The following ATF7 variants were observed in gnomAD, a reference collection of about 807,000 sequenced individuals.
The protein encoded by ATF7 is activating transcription factor 7, also known as cyclic AMP-dependent transcription factor ATF-7.
ATF7 carries 10 observed loss-of-function variants against 50.4 expected under a neutral mutation model. The ratio of observed to expected loss-of-function variants is 0.20; its 90% confidence interval spans 0.12 to 0.34. The LOEUF is 0.34. Among genes scored for constraint, ATF7 ranks in the 10% least tolerant of loss-of-function variants. The probability of loss-of-function intolerance (pLI) is 1.00; values close to 1 mark genes in which losing one functional copy is unlikely to be tolerated. For synonymous variants in ATF7, 201 were observed against 226.4 expected (o/e 0.89, Z 1.01); for missense variants, 465 against 613.9 (o/e 0.76, Z 2.56).
In ATF7 at chr12:53,552,654, A is replaced by G; in HGVS notation, c.49-17T>C. On this transcript the variant is annotated splice_polypyrimidine_tract_variant and intron_variant, in intron 2 of 11. Transcript: ENST00000420353. ...TGTAAATCTCTGAAACGAAACAGAA[A>G]TGGAGATATGAAAAAACAAAAACAA... 1.9e-6 allele frequency: 3 copies of G among 1,601,752 alleles called. No homozygotes were observed. Among genetic ancestry groups the G allele is most frequent in the Non-Finnish European group, 2.6e-6 (3 of 1,168,856 alleles).
intron 2 of ATF7, among the ~76,000 whole-genome samples, chr12:53,580,770 G>A (rs374757649): frequency 2.0e-5 from 3 of 150,952 alleles, no homozygotes; most frequent in East Asian, 3.9e-4. Flanking sequence ...GAATAAAGAC[G>A]AGCATTGCAT....
chr12:53,509,873 C>T (rs1337831964), downstream of ATF7, among the ~76,000 whole-genome samples: 1 of 152,090 alleles, frequency 6.6e-6, no homozygotes, highest in Non-Finnish European at 1.5e-5. Context: ...TAGGAACCAA[C>T]TTATCCTTTA....
intron 2 of ATF7, among the ~76,000 whole-genome samples, chr12:53,594,695 C>T (rs889049636): frequency 5.3e-5 from 8 of 152,096 alleles, no homozygotes; most frequent in Admixed American, 1.3e-4. Flanking sequence ...CAAGACCAGC[C>T]TGGCCAACAT....
In ATF7 at chr12:53,603,725, A is replaced by T. The variant is rs563770232; in HGVS notation, c.-21-2704T>A. On this transcript the variant is annotated intron_variant, in intron 1 of 11. Coordinates refer to ENST00000420353, the MANE Select transcript of ATF7 (RefSeq NM_006856.3). ...AATAAGAATGATCTGTCTCCCCATT[A>T]AAAAAAAAAACACAGCTAACACCTT... 1.3e-4 allele frequency among the ~76,000 whole-genome samples: 19 copies of T among 141,266 alleles called. No individual in the cohort carries two copies. The East Asian group carries it at 1.6e-3, about 12-fold the overall frequency. 92.7% of individuals were successfully genotyped at this position (141,266 alleles called of 152,430 possible).
chr12:53,595,235 G>A (rs953688593), intron 2 of ATF7, among the ~76,000 whole-genome samples: 2 of 152,126 alleles, frequency 1.3e-5, no homozygotes, highest in Admixed American at 6.6e-5. Context: ...TTCACCTGTC[G>A]AAACATGTAA....
At chr12:53,621,389 T>C (rs866937441) in intron 1 of ATF7, among the ~76,000 whole-genome samples, 62 of 152,202 alleles carry the variant, frequency 4.1e-4, no homozygotes, top group Admixed American at 6.5e-4. Flanking sequence ...AATACAAACA[T>C]ATGAGAAATG....
chr12:53,585,465 C>A (rs12580534), intron 2 of ATF7, among the ~76,000 whole-genome samples: 5,332 of 151,996 alleles, frequency 0.035, 181 homozygotes, highest in East Asian at 0.19. Context: ...GAATCCTCTG[C>A]ACTTTTCACT....
chr12:53,557,705 C>T (rs1940838705), intron 2 of ATF7, among the ~76,000 whole-genome samples: 1 of 152,182 alleles, frequency 6.6e-6, no homozygotes, highest in Non-Finnish European at 1.5e-5. Flanking sequence ...GACTAATTTG[C>T]ACCCCCATCT....
chr12:53,569,970 C>G (rs776548396), intron 2 of ATF7, among the ~76,000 whole-genome samples: 3 of 152,160 alleles, frequency 2.0e-5, no homozygotes, highest in Non-Finnish European at 4.4e-5. Flanking sequence ...AGCCACCGCG[C>G]CTGGCCATTC....
At chr12:53,532,390 G>T in intron 8 of ATF7, 120 bp downstream of exon 8, 1 of 725,538 alleles carries the variant, frequency 1.4e-6, no homozygotes, top group South Asian at 2.0e-5. Context: ...CCACAGCAGG[G>T]AGTCCTTAGC....
intron 2 of ATF7, among the ~76,000 whole-genome samples, chr12:53,560,331 T>G (rs1042406660): frequency 6.6e-6 from 1 of 152,160 alleles, no homozygotes; most frequent in African/African-American, 2.4e-5. Flanking sequence ...ATACTGCAGT[T>G]CTTTTCCTAA....
intron 9 of ATF7, among the ~76,000 whole-genome samples, chr12:53,527,353 A>G (rs1213758671): frequency 1.3e-5 from 2 of 151,840 alleles, no homozygotes; most frequent in Non-Finnish European, 2.9e-5. Flanking sequence ...ATGGTGATGC[A>G]TTCCTGTCAT....
intron 4 of ATF7, among the ~76,000 whole-genome samples, chr12:53,538,459 G>T (rs1939348765): frequency 6.6e-6 from 1 of 152,190 alleles, no homozygotes; most frequent in Admixed American, 6.6e-5. Context: ...CATCTGATTG[G>T]TGAAATAAAT....
chr12:53,554,812 G>T (rs944381397), intron 2 of ATF7, among the ~76,000 whole-genome samples: 1 of 133,202 alleles, frequency 7.5e-6, no homozygotes, highest in Non-Finnish European at 1.5e-5. Context: ...GCAGTGAGCC[G>T]AGATCCCACC....
chr12:53,531,363 A>C (rs1326033111), intron 9 of ATF7, among the ~76,000 whole-genome samples: 1 of 148,902 alleles, frequency 6.7e-6, no homozygotes, highest in Admixed American at 6.7e-5. Context: ...CAGAGGTTGC[A>C]GTGAGCTGAG....
At chr12:53,579,495 T>C (rs895485481) in intron 2 of ATF7, among the ~76,000 whole-genome samples, 4 of 146,772 alleles carry the variant, frequency 2.7e-5, no homozygotes, top group Non-Finnish European at 4.4e-5. Context: ...GAGGCTGCTG[T>C]GAGCTGAGAT....
chr12:53,595,065 C>T (rs1001936295), intron 2 of ATF7, among the ~76,000 whole-genome samples: 3 of 152,016 alleles, frequency 2.0e-5, no homozygotes, highest in African/African-American at 4.8e-5. Context: ...TGTATAATGC[C>T]GTGTATTTTC....
chr12:53,519,547 C>G (rs1937967124), intron 11 of ATF7, among the ~76,000 whole-genome samples: 1 of 151,422 alleles, frequency 6.6e-6, no homozygotes, highest in South Asian at 2.1e-4. Flanking sequence ...ACTAAAAATA[C>G]AAAAATGAGC....
intron 4 of ATF7, among the ~76,000 whole-genome samples, chr12:53,541,909 C>T (rs1249066237): frequency 6.6e-6 from 1 of 152,014 alleles, no homozygotes. Flanking sequence ...GCAACCTCTG[C>T]CTCCCGGGTT....
Sources: gnomAD v4.1 joint callset for allele counts (sites outside exome capture counted in the v4.1 genomes callset) on GRCh38, gnomAD v4.1.1 for gene constraint, MANE v1.5 for transcripts, NCBI Gene and HGNC (gene_info 2026-07-23, HGNC 2026-07-21) for gene names.